The following TMC1 variants were observed in gnomAD, a reference collection of about 807,000 sequenced individuals.
TMC1 encodes the protein transmembrane channel like 1, also known as transmembrane channel-like protein 1.
Under a neutral mutation model 105.8 loss-of-function variants are expected in TMC1, and 84 were observed. The ratio of observed to expected loss-of-function variants is 0.79; its 90% CI spans 0.67 to 0.95. The LOEUF is 0.95. Ranked by LOEUF, TMC1 falls within the 40% of genes least tolerant of loss-of-function variation. The pLI is 0.00. For synonymous variants in TMC1, 315 were observed against 311.5 expected (o/e 1.01, Z -0.12); for missense variants, 817 against 914.1 (o/e 0.89, Z 1.37).
chr9:72,603,610 C>T (rs889063718), intron 2 of TMC1, among the ~76,000 whole-genome samples: 1 of 152,044 alleles, frequency 6.6e-6, no homozygotes, highest in Admixed American at 6.6e-5. Context: ...CCCACAGTGG[C>T]GCGATTTCAG....
chr9:72,821,008 C>G lies in TMC1; in HGVS notation c.1930C>G (p.Leu644Val). Residue 644 changes from leucine to valine, a missense_variant, in exon 20 of 24, where the codon CTC (leucine) becomes GTC (valine). Coordinates refer to ENST00000297784, the MANE Select transcript of TMC1 (RefSeq NM_138691.3). ...NFYLGMLLLI[L>V]FLSTMPVLYM... Reference sequence around the variant, plus strand: ...CTACCTGGGCATGCTACTGCTCATCCTCTTCCTGTCCACAATGCCTGTCTT... The same window carrying G: ...CTACCTGGGCATGCTACTGCTCATCGTCTTCCTGTCCACAATGCCTGTCTT... 6.2e-7 allele frequency: 1 copy of G among 1,614,182 alleles called. No individual in the cohort carries two copies. Among genetic ancestry groups the G allele is most frequent in the Admixed American group, 1.7e-5 (1 of 60,024 alleles).
At chr9:72,809,638 G>T (rs1828662967) in intron 18 of TMC1, among the ~76,000 whole-genome samples, 1 of 152,122 alleles carries the variant, frequency 6.6e-6, no homozygotes, top group African/African-American at 2.4e-5. Context: ...TCAGCTAATG[G>T]ATATTTTTGT....
chr9:72,734,975 T>C (rs769682024), intron 8 of TMC1, among the ~76,000 whole-genome samples: 3 of 152,226 alleles, frequency 2.0e-5, no homozygotes, highest in Non-Finnish European at 4.4e-5. Flanking sequence ...GTAAATTATC[T>C]ATTCTGTAAG....
At chr9:72,625,399 T>TC (rs1825328913) in intron 3 of TMC1, among the ~76,000 whole-genome samples, 1 of 152,024 alleles carries the variant, frequency 6.6e-6, no homozygotes, top group South Asian at 2.1e-4. Context: ...GTTTAAGGAA[T>TC]CAGGGGTGGC....
chr9:72,698,810 G>A (rs745594896), intron 7 of TMC1, among the ~76,000 whole-genome samples: 1 of 152,128 alleles, frequency 6.6e-6, no homozygotes. Flanking sequence ...CTGTGGGAGA[G>A]GTGATGAAGC....
At chr9:72,575,235 G>A (rs772139715) in intron 1 of TMC1, among the ~76,000 whole-genome samples, 11 of 152,092 alleles carry the variant, frequency 7.2e-5, no homozygotes, top group Non-Finnish European at 1.3e-4. Context: ...AGGCTGGAGT[G>A]CAATGCGTGA....
intron 4 of TMC1, among the ~76,000 whole-genome samples, chr9:72,633,847 A>G (rs1291489694): frequency 2.0e-5 from 3 of 152,172 alleles, no homozygotes; most frequent in Non-Finnish European, 4.4e-5. Flanking sequence ...GACACCATCT[A>G]CATGGAAACA....
chr9:72,810,001 CAG>C (rs1188080965), intron 18 of TMC1, among the ~76,000 whole-genome samples: 1 of 151,614 alleles, frequency 6.6e-6, no homozygotes, highest in Admixed American at 6.6e-5. Context: ...AATGCAGACA[CAG>C]AGGAGGAGAC....
intron 1 of TMC1, among the ~76,000 whole-genome samples, chr9:72,559,252 G>C (rs917463971): frequency 1.3e-5 from 2 of 151,986 alleles, no homozygotes; most frequent in African/African-American, 4.8e-5. Flanking sequence ...GCTCCACCAG[G>C]CCTCACTAAT....
intron 20 of TMC1, 110 bp downstream of exon 20, chr9:72,821,191 G>GC: frequency 6.5e-7 from 1 of 1,550,224 alleles, no homozygotes; most frequent in South Asian, 1.1e-5. Flanking sequence ...TGACATTTTT[G>GC]GTTGGTGGAA....
chr9:72,727,890 A>T (rs1382385122), intron 8 of TMC1, among the ~76,000 whole-genome samples: 1 of 152,138 alleles, frequency 6.6e-6, no homozygotes, highest in East Asian at 1.9e-4. Flanking sequence ...ATAAACAAAC[A>T]TAAAATCATT....
intron 4 of TMC1, among the ~76,000 whole-genome samples, chr9:72,633,595 G>T (rs1254146742): frequency 6.6e-6 from 1 of 152,056 alleles, no homozygotes; most frequent in African/African-American, 2.4e-5. Flanking sequence ...TTTATTGATT[G>T]TTCCCACTCA....
chr9:72,824,966 G>T (rs187861387), intron 20 of TMC1, among the ~76,000 whole-genome samples: 1 of 152,292 alleles, frequency 6.6e-6, no homozygotes, highest in African/African-American at 2.4e-5. Flanking sequence ...ACTAGGTGCA[G>T]GTTTTTTAGT....
intron 2 of TMC1, among the ~76,000 whole-genome samples, chr9:72,612,527 A>G (rs1825049335): frequency 6.6e-6 from 1 of 151,606 alleles, no homozygotes; most frequent in Non-Finnish European, 1.5e-5. Context: ...TTGATCTGTG[A>G]GTTATACAAT....
chr9:72,580,059 C>A (rs917048520), intron 2 of TMC1, among the ~76,000 whole-genome samples: 7 of 152,158 alleles, frequency 4.6e-5, no homozygotes, highest in African/African-American at 1.7e-4. Context: ...TACAGCTTTG[C>A]TATTTAAAAG....
intron 1 of TMC1, among the ~76,000 whole-genome samples, chr9:72,571,510 C>T (rs1824284764): frequency 6.9e-6 from 1 of 145,208 alleles, no homozygotes; most frequent in African/African-American, 2.6e-5. Flanking sequence ...TGCAATGGTG[C>T]AATCTTGGCT....
chr9:72,672,614 A>T (rs1014746114), intron 5 of TMC1, among the ~76,000 whole-genome samples: 11 of 151,862 alleles, frequency 7.2e-5, no homozygotes, highest in African/African-American at 2.7e-4. Flanking sequence ...ATAAAATATT[A>T]ATTAATTAAT....
At chr9:72,712,268 A>G (rs1216261070) in intron 8 of TMC1, among the ~76,000 whole-genome samples, 4 of 152,170 alleles carry the variant, frequency 2.6e-5, no homozygotes, top group Non-Finnish European at 5.9e-5. Flanking sequence ...TTTTGGTTCC[A>G]TATGAAATGT....
chr9:72,784,749 C>G (rs1371824697), intron 13 of TMC1, among the ~76,000 whole-genome samples: 1 of 152,206 alleles, frequency 6.6e-6, no homozygotes, highest in Non-Finnish European at 1.5e-5. Context: ...CCATGCAATG[C>G]TATGCAGCCA....
Sources: allele counts gnomAD v4.1 joint callset (sites outside exome capture counted in the v4.1 genomes callset), GRCh38; gene constraint gnomAD v4.1.1; transcripts MANE v1.5; gene names NCBI Gene and HGNC (gene_info 2026-07-23, HGNC 2026-07-21).